NYAP2: variants seen among roughly 807,000 people sequenced by gnomAD.
NYAP2 encodes neuronal tyrosine-phosphorylated phosphoinositide-3-kinase adapter 2.
A neutral mutation model predicts 50.4 loss-of-function variants in NYAP2; 23 were observed. The ratio of observed to expected loss-of-function variants is 0.46; its 90% CI spans 0.33 to 0.65. The LOEUF is 0.65. Ranked by LOEUF, NYAP2 falls within the 30% of genes least tolerant of loss-of-function variation. The pLI, the probability that NYAP2 is intolerant of heterozygous loss-of-function variation, is 0.02. For missense variants in NYAP2, 885 were observed against 861.0 expected, an observed-to-expected ratio of 1.03 and a Z score of -0.35; for synonymous variants, 394 against 365.2, an observed-to-expected ratio of 1.08 and a Z score of -0.90.
chr2:225,428,809 T>C (rs887550726), intron 3 of NYAP2, among the ~76,000 whole-genome samples: 5 of 152,194 alleles, frequency 3.3e-5, no homozygotes, highest in Admixed American at 3.3e-4. Context: ...CAGTAAAACT[T>C]CAAGAACATC....
At chr2:225,487,987 A>G (rs1559193531) in intron 3 of NYAP2, among the ~76,000 whole-genome samples, 1 of 152,200 alleles carries the variant, frequency 6.6e-6, no homozygotes, top group Non-Finnish European at 1.5e-5. Context: ...GTGTAAGAGG[A>G]AGGGGCCCAT....
At chr2:225,605,017 T>C (rs1265132171) in intron 5 of NYAP2, among the ~76,000 whole-genome samples, 1 of 152,160 alleles carries the variant, frequency 6.6e-6, no homozygotes, top group African/African-American at 2.4e-5. Flanking sequence ...AAATTAAATA[T>C]TCTCATTAGC....
the NYAP2 span, among the ~76,000 whole-genome samples, chr2:225,693,882 T>C: frequency 2.0e-5 from 3 of 152,000 alleles, no homozygotes; most frequent in Non-Finnish European, 4.4e-5. Context: ...CTGTACTTTT[T>C]AGGAAGAAGT....
At position 225,582,787 on chromosome 2, in the gene NYAP2, A is replaced by C. The variant is rs1238809479; in HGVS notation, c.1370A>C (p.Tyr457Ser). 1 of 1,613,716 alleles carries C rather than the reference A, an allele frequency of 6.2e-7. No individual in the cohort carries two copies. Among genetic ancestry groups the C allele is most frequent in the Non-Finnish European group, 8.5e-7 (1 of 1,179,858 alleles). ...CTGAGCCTCAAAAGGCCTCCCCCTTACGACGCTGTGCATTCGGGCAGCCTC... is the reference window on the plus strand; with the variant it reads ...CTGAGCCTCAAAAGGCCTCCCCCTTCCGACGCTGTGCATTCGGGCAGCCTC... Residue 457 changes from tyrosine to serine, a missense_variant, in exon 5 of 7, where the codon TAC becomes TCC. Transcript: ENST00000636099. The surrounding 1 kb of genome is among the most constrained non-coding windows in gnomAD (Gnocchi z 7.0).
At chr2:225,628,799 T>C (rs1021317738) in intron 6 of NYAP2, among the ~76,000 whole-genome samples, 1 of 152,174 alleles carries the variant, frequency 6.6e-6, no homozygotes, top group South Asian at 2.1e-4. Flanking sequence ...TGGCTAGATA[T>C]ATATTTTATA....
intron 6 of NYAP2, among the ~76,000 whole-genome samples, chr2:225,638,156 TTGTGTGTGTGTGTGTGTGTG>T (rs146481098): frequency 3.2e-4 from 43 of 135,306 alleles, no homozygotes; most frequent in African/African-American, 1.2e-3. Flanking sequence ...ACTCGTGTGT[TTGTGTGTGTGTGTGTGTGTG>T]TGTGTGTGTG....
intron 3 of NYAP2, among the ~76,000 whole-genome samples, chr2:225,416,480 C>T (rs1199597404): frequency 1.3e-5 from 2 of 152,062 alleles, no homozygotes; most frequent in Non-Finnish European, 2.9e-5. Flanking sequence ...CTATTGTTTT[C>T]AGTTAGAGCC....
At chr2:225,651,846 G>T in exon 7 of NYAP2, 7 of 291,374 alleles carry the variant, frequency 2.4e-5, no homozygotes, top group South Asian at 8.8e-5. Context: ...TTGGCTTAGT[G>T]GTTCTTTTTT....
intron 3 of NYAP2, among the ~76,000 whole-genome samples, chr2:225,453,840 T>TG: frequency 6.7e-6 from 1 of 150,190 alleles, no homozygotes; most frequent in South Asian, 2.1e-4. Flanking sequence ...GCTAATTTTT[T>TG]TTTTTTTTTT....
chr2:225,466,485 C>T (rs1162566416), intron 3 of NYAP2, among the ~76,000 whole-genome samples: 3 of 151,954 alleles, frequency 2.0e-5, no homozygotes, highest in Non-Finnish European at 4.4e-5. Flanking sequence ...TATTTAAGAC[C>T]GCAGGTGTGA....
At chr2:225,419,255 A>G (rs967281808) in intron 3 of NYAP2, among the ~76,000 whole-genome samples, 1 of 152,228 alleles carries the variant, frequency 6.6e-6, no homozygotes, top group Non-Finnish European at 1.5e-5. Context: ...ACATTTTCAA[A>G]AAGGAAAGAT....
chr2:225,611,020 A>G (rs1465778788), intron 5 of NYAP2, among the ~76,000 whole-genome samples: 1 of 152,194 alleles, frequency 6.6e-6, no homozygotes, highest in Non-Finnish European at 1.5e-5. Flanking sequence ...TCAAAAGCTT[A>G]ATTTATGGAC....
rs531868903 is a variant in NYAP2, at chr2:225,542,247, G to T, written c.523+28575G>T. ...AATTGAATTTCTTCCTTTCCAGTTG[G>T]ATGCCTTTTATTTAGTTCTCTTGTT... On this transcript the variant is annotated intron_variant, in intron 4 of 6. Coordinates refer to ENST00000636099, the Ensembl canonical transcript of NYAP2. Among the ~76,000 whole-genome samples the T allele has an allele frequency of 1.2e-4, 18 of 152,128 alleles. No individual in the cohort carries two copies. The Middle Eastern group carries it at 0.01, about 87-fold the overall frequency.
chr2:225,558,196 A>G (rs1037890400), intron 4 of NYAP2, among the ~76,000 whole-genome samples: 1 of 152,088 alleles, frequency 6.6e-6, no homozygotes, highest in African/African-American at 2.4e-5. Flanking sequence ...GAGATTTCCA[A>G]CCTTAGCTTC....
At chr2:225,443,586 G>C (rs1210031497) in intron 3 of NYAP2, among the ~76,000 whole-genome samples, 1 of 151,980 alleles carries the variant, frequency 6.6e-6, no homozygotes, top group Non-Finnish European at 1.5e-5. Context: ...CTGGGCAACA[G>C]AGCAAGACTC....
chr2:225,598,676 AG>A (rs1422616236), intron 5 of NYAP2, among the ~76,000 whole-genome samples: 1 of 152,256 alleles, frequency 6.6e-6, no homozygotes, highest in African/African-American at 2.4e-5. Flanking sequence ...AAGCTAGCAT[AG>A]AGAAGGCAAT....
chr2:225,405,782 G>A (rs143160437), intron 2 of NYAP2, among the ~76,000 whole-genome samples: 120 of 152,000 alleles, frequency 7.9e-4, no homozygotes, highest in Non-Finnish European at 1.5e-3. Context: ...TCTAGATGTG[G>A]ACAATGGGGG....
the NYAP2 span, among the ~76,000 whole-genome samples, chr2:225,693,772 G>A: frequency 6.6e-6 from 1 of 151,890 alleles, no homozygotes; most frequent in African/African-American, 2.4e-5. Flanking sequence ...TCACCTCGAA[G>A]GTCAGGATCC....
At chr2:225,624,435 G>A (rs1186969572) in intron 5 of NYAP2, among the ~76,000 whole-genome samples, 1 of 152,154 alleles carries the variant, frequency 6.6e-6, no homozygotes, top group Non-Finnish European at 1.5e-5. Flanking sequence ...GCAAAAATTG[G>A]GGAAGCTAAG....
Sources: gnomAD v4.1 joint callset for allele counts (sites outside exome capture counted in the v4.1 genomes callset) on GRCh38, gnomAD v4.1.1 for gene constraint, Gnocchi (gnomAD v3.1) non-coding constraint, MANE v1.5 for transcripts, NCBI Gene and HGNC (gene_info 2026-07-23, HGNC 2026-07-21) for gene names.